The following PDE2A variants were observed in gnomAD, a reference collection of about 807,000 sequenced individuals.
The protein encoded by PDE2A is phosphodiesterase 2A, also known as cGMP-dependent 3',5'-cyclic phosphodiesterase.
In PDE2A, 53 loss-of-function variants were observed where a neutral mutation model predicts 133.6. That is an observed-to-expected ratio of 0.40 (90% CI 0.32 to 0.50). The LOEUF (loss-of-function observed/expected upper bound fraction) is 0.50, where lower values mean the gene tolerates loss of function less well. Ranked by LOEUF, PDE2A falls within the 20% of genes least tolerant of loss-of-function variation. The pLI is 0.73. For synonymous variants in PDE2A, 491 were observed against 490.2 expected, an observed-to-expected ratio of 1.00 and a Z score of -0.02; for missense variants, 796 against 1,232.4, an observed-to-expected ratio of 0.65 and a Z score of 5.30.
intron 30 of PDE2A, 72 bp from the exon 31 acceptor site, chr11:72,577,666 A>C: frequency 1.8e-6 from 2 of 1,111,714 alleles, no homozygotes; most frequent in South Asian, 2.5e-5. Flanking sequence ...GACTAGGGCT[A>C]CACAACAAAT....
chr11:72,642,493 G>T, intron 1 of PDE2A, 167 bp from the exon 2 acceptor site: 1 of 557,468 alleles, frequency 1.8e-6, no homozygotes, highest in Non-Finnish European at 2.0e-6. Context: ...CCCGCCCCCC[G>T]CCCGCCCCCG....
chr11:72,613,776 G>C lies in PDE2A; in HGVS notation c.145-5025C>G, dbSNP rs184658990. Among the ~76,000 whole-genome samples, 49 of 152,306 alleles carry C rather than the reference G, an allele frequency of 3.2e-4. 2 individuals are homozygous for C. Among genetic ancestry groups the C allele is most frequent in the Admixed American group, 2.0e-3 (31 of 15,308 alleles). ...ACAGAATGGGAAACCCAGGAAGGCA[G>C]CTAGAGGGGAAACAGGGGGTGCCAG... On this transcript the variant is annotated intron_variant, in intron 2 of 30. Transcript: ENST00000334456.
At chr11:72,672,440 C>T (rs1855406483) in intron 1 of PDE2A, among the ~76,000 whole-genome samples, 1 of 152,220 alleles carries the variant, frequency 6.6e-6, no homozygotes, top group Admixed American at 6.5e-5. Flanking sequence ...CCTGCTTCTG[C>T]CTCCCAAAGT....
Position 72,578,614 on chromosome 11 carries a change from T to A in PDE2A, c.2470-100A>T. On this transcript the variant is annotated intron_variant, in intron 28 of 30. Coordinates refer to ENST00000334456, the MANE Select transcript of PDE2A (RefSeq NM_002599.5). The surrounding 1 kb of genome is among the most constrained non-coding windows in gnomAD (Gnocchi z 4.2). Reference sequence around the variant, plus strand: ...AGGAGAGAAAACTGAGGCCCAGGGATTCAGTCCCAGCTCAGGAGCCGTCCC... The same window carrying A: ...AGGAGAGAAAACTGAGGCCCAGGGAATCAGTCCCAGCTCAGGAGCCGTCCC... 9.4e-7 allele frequency: 1 copy of A among 1,058,780 alleles called. No individual in the cohort carries two copies. The highest frequency in any genetic ancestry group is 1.7e-5 in the Admixed American group (1 of 57,334). 65.6% of individuals were successfully genotyped at this position (1,058,780 alleles called of 1,614,324 possible). A position where few individuals can be genotyped will look rare whatever the true frequency, so the allele number is the denominator to read the frequency against.
chr11:72,620,823 C>A (rs536296438), intron 2 of PDE2A, among the ~76,000 whole-genome samples: 2 of 151,200 alleles, frequency 1.3e-5, no homozygotes. Flanking sequence ...AGTGAGTGGG[C>A]AGGAGGGGGT....
intron 2 of PDE2A, among the ~76,000 whole-genome samples, chr11:72,630,474 G>A (rs1037908728): frequency 4.0e-5 from 6 of 151,118 alleles, no homozygotes; most frequent in East Asian, 2.0e-4. Context: ...GCTGATCCCC[G>A]AAGGATTTAG....
intron 2 of PDE2A, among the ~76,000 whole-genome samples, chr11:72,625,524 G>A (rs530769526): frequency 2.0e-5 from 3 of 152,304 alleles, no homozygotes; most frequent in South Asian, 2.1e-4. Context: ...CAGATGGAGC[G>A]GCTAAGAGCC....
intron 2 of PDE2A, chr11:72,631,217 C>G: frequency 8.5e-7 from 1 of 1,175,550 alleles, no homozygotes; most frequent in Admixed American, 2.7e-5. Context: ...CCCATTAGCC[C>G]CCAGCAAGCC....
chr11:72,604,805 AGCAT>A (rs1023273202), intron 4 of PDE2A, among the ~76,000 whole-genome samples: 1 of 152,220 alleles, frequency 6.6e-6, no homozygotes, highest in African/African-American at 2.4e-5. Flanking sequence ...TAGTTCTCAC[AGCAT>A]GCCGGTGTTC....
chr11:72,640,782 TACA>T (rs1456516534), intron 2 of PDE2A, among the ~76,000 whole-genome samples: 2 of 151,992 alleles, frequency 1.3e-5, no homozygotes, highest in African/African-American at 4.8e-5. Flanking sequence ...AAGCTGTCCC[TACA>T]ACAACTCCAC....
At position 72,586,424 on chromosome 11, in the gene PDE2A, G is replaced by A. The variant is rs562847897; in HGVS notation, c.1071-243C>T. On this transcript the variant is annotated intron_variant, in intron 13 of 30. Transcript: ENST00000334456. ...AGCCATACCTCCCGTCTCTGATTTGGGATTTACCCAGCCCAAAGCTGGGTC... is the reference window on the plus strand; with the variant it reads ...AGCCATACCTCCCGTCTCTGATTTGAGATTTACCCAGCCCAAAGCTGGGTC... Among the ~76,000 whole-genome samples the A allele has an allele frequency of 2.0e-5, 3 of 152,306 alleles. No homozygotes were observed. In the East Asian group the frequency reaches 5.8e-4, roughly 29 times the overall value.
intron 2 of PDE2A, among the ~76,000 whole-genome samples, chr11:72,638,211 C>T (rs1340989577): frequency 6.6e-6 from 1 of 152,208 alleles, no homozygotes; most frequent in Admixed American, 6.5e-5. Flanking sequence ...AGTCACCTGA[C>T]CCTTCTTGGT....
At position 72,577,491 on chromosome 11, in the gene PDE2A, G is replaced by A. The variant is rs17854062; in HGVS notation, c.2719C>T (p.Leu907Phe). Reference protein sequence around the residue: ...KVSHKFTIRGLPSNNSLDFLD... With the variant: ...KVSHKFTIRGFPSNNSLDFLD... The stretch of plus-strand genomic sequence containing the variant: ...AAGTCCAGCGAGTTGTTACTTGGGA[G>A]GCCGCGGATGGTGAACTTGTGGGAC... The change falls in exon 31 of 31, where the codon CTC becomes TTC. Residue 907 changes from leucine to phenylalanine, a missense_variant. Physicochemically the swap from Leu to Phe is conservative, Grantham distance 22 (BLOSUM62 0). Around this residue, in one of 7 missense-constraint regions of PDE2A, gnomAD observed 83 missense variants for 99.0 expected, o/e 0.84. Coordinates refer to ENST00000334456, the MANE Select transcript of PDE2A (RefSeq NM_002599.5). The A allele has an allele frequency of 6.2e-7, 1 of 1,613,684 alleles. No homozygotes were observed. Among genetic ancestry groups the A allele is most frequent in the African/African-American group, 1.3e-5 (1 of 74,946 alleles).
chr11:72,586,111 G>C lies in PDE2A; in HGVS notation c.1141C>G (p.Leu381Val). ...HYTSTVLTST[L>V]AFQKEQKLKC... ...AGTTTCTGTTCCTTCTGGAAGGCCA[G>C]GGTGCTGGTGAGCACGGTGCTGGTG... The change falls in exon 14 of 31, where the codon CTG becomes GTG. Residue 381 changes from leucine to valine, a missense_variant. By Grantham distance (32) the Leu-to-Val change is conservative (BLOSUM62 1). Transcript: ENST00000334456. The C allele has an allele frequency of 6.2e-7, 1 of 1,612,942 alleles. No individual in the cohort carries two copies. Among genetic ancestry groups the C allele is most frequent in the Non-Finnish European group, 8.5e-7 (1 of 1,179,444 alleles).
At chr11:72,609,187 C>T (rs1344340630) in intron 2 of PDE2A, among the ~76,000 whole-genome samples, 2 of 152,256 alleles carry the variant, frequency 1.3e-5, no homozygotes, top group Non-Finnish European at 2.9e-5. Flanking sequence ...GTCACTGAGC[C>T]TCAGTCTCCT....
chr11:72,660,099 C>T (rs1427375373), intron 1 of PDE2A, among the ~76,000 whole-genome samples: 2 of 152,178 alleles, frequency 1.3e-5, no homozygotes, highest in African/African-American at 2.4e-5. Flanking sequence ...ACAAAGGGCA[C>T]AAGGGAAGTT....
At chr11:72,630,158 G>A (rs1421270649) in intron 2 of PDE2A, among the ~76,000 whole-genome samples, 1 of 152,140 alleles carries the variant, frequency 6.6e-6, no homozygotes, top group Non-Finnish European at 1.5e-5. Flanking sequence ...CCCCTCGCAG[G>A]GCAGGAAATG....
intron 4 of PDE2A, among the ~76,000 whole-genome samples, chr11:72,601,422 A>C (rs1364422953): frequency 7.6e-6 from 1 of 131,598 alleles, no homozygotes; most frequent in Non-Finnish European, 1.6e-5. Context: ...CCGAGATGGG[A>C]GCAGACCGTT....
intron 19 of PDE2A, 42 bp downstream of exon 19, chr11:72,584,159 G>T: frequency 2.7e-6 from 1 of 372,672 alleles, no homozygotes; most frequent in Non-Finnish European, 5.3e-6. Context: ...CGTGGGCCCC[G>T]CCCCCTATCA....
Sources: gnomAD v4.1 joint callset for allele counts (sites outside exome capture counted in the v4.1 genomes callset) on GRCh38, gnomAD v4.1.1 for gene constraint, gnomAD v4.1.1 regional missense constraint, Gnocchi (gnomAD v3.1) non-coding constraint, MANE v1.5 for transcripts, NCBI Gene and HGNC (gene_info 2026-07-23, HGNC 2026-07-21) for gene names.